Variants in HSPA12A observed in about 807,000 individuals in gnomAD.
HSPA12A encodes heat shock protein family A (Hsp70) member 12A, also known as heat shock 70 kDa protein 12A.
In HSPA12A, 28 loss-of-function variants were observed where a neutral mutation model predicts 69.2. The ratio of observed to expected loss-of-function variants is 0.40; its 90% CI spans 0.30 to 0.55. The LOEUF (loss-of-function observed/expected upper bound fraction) is 0.55, where lower values mean the gene tolerates loss of function less well. Among genes scored for constraint, HSPA12A ranks in the 20% least tolerant of loss-of-function variants. HSPA12A has a pLI of 0.38. For synonymous variants in HSPA12A, 345 were observed against 370.5 expected (o/e 0.93, Z 0.79); for missense variants, 686 against 900.7 (o/e 0.76, Z 3.05).
Position 116,742,550 on chromosome 10 carries a change from G to A in HSPA12A, c.-81C>T. On this transcript the variant is annotated 5_prime_UTR_variant, in exon 1 of 12. Transcript: ENST00000369209. Reference sequence around the variant, plus strand: ...CGGGTCTCTGTCCGCGTCCGCGGCGGCGCTCGGGCCGTGTCTGAGCCGCCG... The same window carrying A: ...CGGGTCTCTGTCCGCGTCCGCGGCGACGCTCGGGCCGTGTCTGAGCCGCCG... The A allele has an allele frequency of 1.7e-6, 2 of 1,173,904 alleles. No homozygotes were observed. The highest frequency in any genetic ancestry group is 2.1e-6 in the Non-Finnish European group (2 of 951,050). 72.7% of individuals were successfully genotyped at this position (1,173,904 alleles called of 1,614,324 possible).
At chr10:116,713,786 A>C (rs1850520282) in intron 1 of HSPA12A, among the ~76,000 whole-genome samples, 1 of 152,044 alleles carries the variant, frequency 6.6e-6, no homozygotes, top group African/African-American at 2.4e-5. Context: ...TTTACTACTA[A>C]TTTTCATGAA....
At chr10:116,784,895 C>G (rs7076899) in intron 2 of HSPA12A, among the ~76,000 whole-genome samples, 2 of 152,174 alleles carry the variant, frequency 1.3e-5, no homozygotes, top group African/African-American at 4.8e-5. Flanking sequence ...ATGCTGAGGG[C>G]ACGTGTCTAC....
chr10:116,713,910 A>G (rs1554883465), intron 1 of HSPA12A, among the ~76,000 whole-genome samples: 3 of 152,060 alleles, frequency 2.0e-5, no homozygotes, highest in South Asian at 4.2e-4. Context: ...CTTCTCTCCC[A>G]TGGACTCTGC....
Position 116,742,387 on chromosome 10 carries a change from T to C in HSPA12A, c.40+43A>G, listed in dbSNP as rs1851541255. Reference sequence around the variant, plus strand: ...GGGCCAAGCGCGCCTCCTCCCTCCCTGCCCCGCCAGCCGCGGCCGCAGGAC... The same window carrying C: ...GGGCCAAGCGCGCCTCCTCCCTCCCCGCCCCGCCAGCCGCGGCCGCAGGAC... On this transcript the variant is annotated intron_variant, in intron 1 of 11. Coordinates refer to ENST00000369209, the MANE Select transcript of HSPA12A (RefSeq NM_025015.3). The C allele has an allele frequency of 1.4e-5, 20 of 1,425,078 alleles. 1 individual carries two copies. The highest frequency in any genetic ancestry group is 2.7e-5 in the South Asian group (2 of 74,180). The allele number at this position is 1,425,078 out of a possible 1,614,324, so 88.3% of individuals were successfully genotyped here. A position where few individuals can be genotyped will look rare whatever the true frequency, so the allele number is the denominator to read the frequency against.
At chr10:116,751,688 G>T (rs782456313) in intron 2 of HSPA12A, among the ~76,000 whole-genome samples, 1 of 152,138 alleles carries the variant, frequency 6.6e-6, no homozygotes, top group Admixed American at 6.5e-5. Context: ...TTGGATGTTT[G>T]TCCCCTCCAA....
Position 116,749,157 on chromosome 10 carries a change from T to C in HSPA12A, c.92-41872A>G, listed in dbSNP as rs115423856. Among the ~76,000 whole-genome samples, 1,087 of 152,268 alleles carry C rather than the reference T, an allele frequency of 7.1e-3. 11 individuals carry two copies. The highest frequency in any genetic ancestry group is 0.024 in the African/African-American group (1,008 of 41,554). ...TATAAGAGCCAAGGGTTTCACGTTATAGAGAAAAATGACTTTCCCCTTCTC... is the reference window on the plus strand; with the variant it reads ...TATAAGAGCCAAGGGTTTCACGTTACAGAGAAAAATGACTTTCCCCTTCTC... On this transcript the variant is annotated intron_variant, in intron 2 of 12. Transcript: ENST00000635765.
At chr10:116,706,127 C>T (rs545172666) in intron 2 of HSPA12A, among the ~76,000 whole-genome samples, 269 of 151,890 alleles carry the variant, frequency 1.8e-3, no homozygotes, top group Non-Finnish European at 3.1e-3. Flanking sequence ...GATCTCCTGA[C>T]CTCGTGATCT....
At chr10:116,676,575 C>A in intron 10 of HSPA12A, 73 bp from the exon 11 acceptor site, 1 of 1,162,198 alleles carries the variant, frequency 8.6e-7, no homozygotes. Flanking sequence ...TGCATAGACA[C>A]CTGCCCTGGC....
In HSPA12A at chr10:116,742,425, C is replaced by G. The variant is rs782283734; in HGVS notation, c.40+5G>C. ...GCGGCCGCAGGACCCGCAGCCTGCGCTCACCTCGGGGCCCGTCGCTGCCGC... is the reference window on the plus strand; with the variant it reads ...GCGGCCGCAGGACCCGCAGCCTGCGGTCACCTCGGGGCCCGTCGCTGCCGC... On this transcript the variant is annotated splice_donor_5th_base_variant and intron_variant, in intron 1 of 11. Transcript: ENST00000369209. The G allele has an allele frequency of 7.7e-6, 11 of 1,434,480 alleles. No homozygotes were observed. The South Asian group carries it at 1.3e-4, about 17-fold the overall frequency. 88.9% of individuals were successfully genotyped at this position (1,434,480 alleles called of 1,614,324 possible). A position where few individuals can be genotyped will look rare whatever the true frequency, so the allele number is the denominator to read the frequency against.
rs1849221321 is a variant in HSPA12A at position 116,675,808 on chromosome 10, G to A, written c.1391-390C>T. 6.6e-6 allele frequency among the ~76,000 whole-genome samples: 1 copy of A among 152,188 alleles called. No individual in the cohort carries two copies. On this transcript the variant is annotated intron_variant, in intron 11 of 11. Coordinates refer to ENST00000369209, the MANE Select transcript of HSPA12A (RefSeq NM_025015.3). This position sits in a 1 kb window ranked among gnomAD's most constrained non-coding sequence, Gnocchi z 5.2. ...TCATAAAAATCCCATTCCACTCCTA[G>A]AGAGTCTGATTTGGTAGGCGGGGGA...
Position 116,728,117 on chromosome 10 carries a change from A to G in HSPA12A, c.40+14313T>C, listed in dbSNP as rs1589665911. On this transcript the variant is annotated intron_variant, in intron 1 of 11. Transcript: ENST00000369209. Reference sequence around the variant, plus strand: ...GCCACCGCGCTTGGCCAATTTTTGTATTTTTAGTAGAGACAGGACTTCACC... The same window carrying G: ...GCCACCGCGCTTGGCCAATTTTTGTGTTTTTAGTAGAGACAGGACTTCACC... Among the ~76,000 whole-genome samples the G allele has an allele frequency of 3.3e-5, 5 of 151,858 alleles. No homozygotes were observed. The South Asian group carries it at 8.3e-4, about 25-fold the overall frequency.
intron 2 of HSPA12A, among the ~76,000 whole-genome samples, chr10:116,820,380 G>T (rs1312452214): frequency 6.6e-6 from 1 of 152,132 alleles, no homozygotes; most frequent in African/African-American, 2.4e-5. Flanking sequence ...GACAGTCACT[G>T]TGATCACCTG....
chr10:116,692,524 C>A, intron 5 of HSPA12A, 57 bp from the exon 6 acceptor site: 1 of 1,372,354 alleles, frequency 7.3e-7, no homozygotes, highest in Non-Finnish European at 1.0e-6. Flanking sequence ...CCTGGAGCAG[C>A]CTCCTGTGGC....
chr10:116,774,282 T>A (rs1224495166), intron 2 of HSPA12A, among the ~76,000 whole-genome samples: 1 of 152,040 alleles, frequency 6.6e-6, no homozygotes, highest in Non-Finnish European at 1.5e-5. Flanking sequence ...GTGCTGGGAT[T>A]ACAGGCGTGA....
At chr10:116,729,360 G>A (rs1200237978) in intron 1 of HSPA12A, among the ~76,000 whole-genome samples, 2 of 152,146 alleles carry the variant, frequency 1.3e-5, no homozygotes, top group Non-Finnish European at 2.9e-5. Context: ...GGGGCTTTCT[G>A]CAAACCAGAG....
intron 2 of HSPA12A, among the ~76,000 whole-genome samples, chr10:116,762,751 T>C (rs1171121660): frequency 5.3e-5 from 8 of 152,142 alleles, no homozygotes; most frequent in Admixed American, 4.6e-4. Flanking sequence ...GTCTGGCTGA[T>C]TTTTGTATTT....
intron 2 of HSPA12A, among the ~76,000 whole-genome samples, chr10:116,776,310 G>A (rs1420979197): frequency 1.3e-5 from 2 of 152,144 alleles, no homozygotes; most frequent in Non-Finnish European, 2.9e-5. Flanking sequence ...GCTCTTGGCC[G>A]CTTCCTCCCG....
chr10:116,784,068 C>T (rs1402319048), intron 2 of HSPA12A, among the ~76,000 whole-genome samples: 2 of 152,236 alleles, frequency 1.3e-5, no homozygotes, highest in Non-Finnish European at 2.9e-5. Flanking sequence ...AAAGATCTCA[C>T]TGGAAGGACA....
At chr10:116,701,264 A>G (rs1850070370) in intron 3 of HSPA12A, 135 bp from the exon 4 acceptor site, 1 of 746,866 alleles carries the variant, frequency 1.3e-6, no homozygotes, top group Non-Finnish European at 2.2e-6. Context: ...CAGCTGGATG[A>G]GCAGCTACTA....
Sources: gnomAD v4.1 joint callset for allele counts (sites outside exome capture counted in the v4.1 genomes callset) on GRCh38, gnomAD v4.1.1 for gene constraint, Gnocchi (gnomAD v3.1) non-coding constraint, MANE v1.5 for transcripts, NCBI Gene and HGNC (gene_info 2026-07-23, HGNC 2026-07-21) for gene names.